TENM1: variants seen among roughly 807,000 people sequenced by gnomAD.
TENM1 encodes teneurin-1.
TENM1 carries 35 observed loss-of-function variants against 174.8 expected under a neutral mutation model. That is an observed-to-expected ratio of 0.20 (90% CI 0.15 to 0.27). TENM1 has a LOEUF of 0.27. Ranked by LOEUF, TENM1 falls within the 10% of genes least tolerant of loss-of-function variation. The pLI is 1.00. For synonymous variants in TENM1, 781 were observed against 798.7 expected, an observed-to-expected ratio of 0.98 and a Z score of 0.37; for missense variants, 1,633 against 2,130.1, an observed-to-expected ratio of 0.77 and a Z score of 4.59.
At chrX:124,991,181 A>C in the TENM1 span, among the ~76,000 whole-genome samples, 1 of 111,104 alleles carries the variant, frequency 9.0e-6, no homozygotes, top group African/African-American at 3.3e-5. Context: ...GCAAAGGTAG[A>C]TTTTACTCTT....
intron 5 of TENM1, among the ~76,000 whole-genome samples, chrX:124,681,570 G>A (rs1472186619): frequency 9.0e-6 from 1 of 111,592 alleles, no homozygotes; most frequent in Non-Finnish European, 1.9e-5. Flanking sequence ...GTTGCAAAAA[G>A]AACTGGCCCT....
chrX:124,547,124 T>C, intron 14 of TENM1, 34 bp from the exon 18 acceptor site: 1 of 1,095,382 alleles, frequency 9.1e-7, no homozygotes, highest in African/African-American at 1.8e-5. Context: ...TATTGATTAT[T>C]TAGCTTCAAG....
chrX:124,517,221 C>T (rs193286188), intron 18 of TENM1, among the ~76,000 whole-genome samples: 3 of 110,130 alleles, frequency 2.7e-5, no homozygotes, highest in Admixed American at 1.9e-4. Context: ...AAATGGGTGC[C>T]AAAACAATCT....
intron 3 of TENM1, among the ~76,000 whole-genome samples, chrX:124,873,813 A>T (rs776305600): frequency 9.0e-5 from 10 of 111,471 alleles, no homozygotes; most frequent in Middle Eastern, 4.6e-3. Flanking sequence ...TATTATAATC[A>T]CCATGTACCC....
intron 3 of TENM1, among the ~76,000 whole-genome samples, chrX:124,757,103 C>G (rs923515947): frequency 8.9e-6 from 1 of 112,659 alleles, no homozygotes; most frequent in African/African-American, 3.2e-5. Flanking sequence ...GAGGTGGAGC[C>G]TACAGAGGCA....
chrX:124,943,170 T>A (rs1384269239), intron 1 of TENM1, among the ~76,000 whole-genome samples: 2 of 111,219 alleles, frequency 1.8e-5, no homozygotes, highest in Non-Finnish European at 3.8e-5. Flanking sequence ...GGTCATTCAG[T>A]GAGTGAAAGA....
the TENM1 span, among the ~76,000 whole-genome samples, chrX:125,067,331 T>C: frequency 9.0e-6 from 1 of 111,215 alleles, no homozygotes; most frequent in East Asian, 2.8e-4. Context: ...TTTTAGACCA[T>C]TTATTCCCAA....
chrX:124,662,312 G>A (rs2051625077), intron 6 of TENM1, among the ~76,000 whole-genome samples: 1 of 109,205 alleles, frequency 9.2e-6, no homozygotes, highest in Non-Finnish European at 1.9e-5. Context: ...AAATTAGCCG[G>A]GCGTGGTGGT....
At chrX:125,062,868 A>C in the TENM1 span, among the ~76,000 whole-genome samples, 1 of 112,180 alleles carries the variant, frequency 8.9e-6, no homozygotes, top group African/African-American at 3.2e-5. Context: ...TTAAATTGAC[A>C]AGACAGGGAA....
At chrX:124,907,616 T>G (rs1344880009) in intron 1 of TENM1, among the ~76,000 whole-genome samples, 2 of 111,800 alleles carry the variant, frequency 1.8e-5, no homozygotes, top group African/African-American at 6.5e-5. Flanking sequence ...AGGATATGGT[T>G]AACTCAGCGC....
At chrX:124,476,570 T>C (rs1447921569) in intron 22 of TENM1, among the ~76,000 whole-genome samples, 1 of 111,241 alleles carries the variant, frequency 9.0e-6, no homozygotes, top group African/African-American at 3.3e-5. Flanking sequence ...AGAATAGAGA[T>C]ATAACCCTTG....
chrX:124,894,967 A>T (rs369263535), intron 2 of TENM1, among the ~76,000 whole-genome samples: 2 of 109,805 alleles, frequency 1.8e-5, no homozygotes, highest in African/African-American at 6.5e-5. Context: ...AAAATAATCT[A>T]AAAAAAATCA....
At chrX:125,129,366 G>A in the TENM1 span, among the ~76,000 whole-genome samples, 3 of 111,720 alleles carry the variant, frequency 2.7e-5, no homozygotes, top group East Asian at 5.6e-4. Context: ...TTTGGGTTAC[G>A]TGAGATATTT....
chrX:125,086,860 G>A, the TENM1 span, among the ~76,000 whole-genome samples: 2 of 111,286 alleles, frequency 1.8e-5, no homozygotes, highest in African/African-American at 6.5e-5. Flanking sequence ...TCAGATGGGA[G>A]AGAAACCATT....
At chrX:124,627,195 G>A (rs1335890096) in intron 11 of TENM1, among the ~76,000 whole-genome samples, 2 of 111,100 alleles carry the variant, frequency 1.8e-5, no homozygotes, top group Non-Finnish European at 3.8e-5. Flanking sequence ...GCCCTCATGT[G>A]CCTTAAGTGA....
At chrX:124,545,083 C>T (rs1397613226) in intron 15 of TENM1, among the ~76,000 whole-genome samples, 2 of 111,878 alleles carry the variant, frequency 1.8e-5, no homozygotes, top group East Asian at 2.8e-4. Flanking sequence ...ATTGTTTGTC[C>T]TCAGCTACTT....
chrX:124,894,889 T>A (rs1248054757), intron 2 of TENM1, among the ~76,000 whole-genome samples: 2 of 111,736 alleles, frequency 1.8e-5, no homozygotes, highest in African/African-American at 6.5e-5. Context: ...TCCCTTCTCA[T>A]TTCCGTACGT....
the TENM1 span, among the ~76,000 whole-genome samples, chrX:125,190,576 A>G: frequency 9.0e-6 from 1 of 111,610 alleles, no homozygotes. Flanking sequence ...TCCCTTCTGT[A>G]GTCCTCTTCA....
the TENM1 span, among the ~76,000 whole-genome samples, chrX:125,036,233 T>C: frequency 1.8e-5 from 2 of 112,066 alleles, no homozygotes; most frequent in Non-Finnish European, 3.8e-5. Context: ...ATGTAATTTA[T>C]GCCTGTTGTT....
Sources: gnomAD v4.1 joint callset for allele counts (sites outside exome capture counted in the v4.1 genomes callset) on GRCh38, gnomAD v4.1.1 for gene constraint, MANE v1.5 for transcripts, NCBI Gene and HGNC (gene_info 2026-07-23, HGNC 2026-07-21) for gene names.